CPE: variants seen among roughly 807,000 people sequenced by gnomAD.
The protein encoded by CPE is carbocypeptidase E.
In CPE, 17 loss-of-function variants were observed where a neutral mutation model predicts 53.5. That is an observed-to-expected ratio of 0.32 (90% CI 0.22 to 0.48). The LOEUF (loss-of-function observed/expected upper bound fraction) is 0.48. CPE is among the 20% of genes least tolerant of loss of function. The pLI, the probability that CPE is intolerant of heterozygous loss-of-function variation, is 0.99. For missense variants in CPE, 524 were observed against 614.7 expected (o/e 0.85, Z 1.56); for synonymous variants, 226 against 228.8 (o/e 0.99, Z 0.11).
At chr4:165,417,909 G>C (rs1731151907) in intron 1 of CPE, among the ~76,000 whole-genome samples, 1 of 152,084 alleles carries the variant, frequency 6.6e-6, no homozygotes, top group Non-Finnish European at 1.5e-5. Context: ...TATTAACAAA[G>C]TCTGACTTAC....
intron 3 of CPE, 150 bp downstream of exon 3, chr4:165,468,005 T>G (rs1379321892): frequency 2.2e-6 from 2 of 899,626 alleles, no homozygotes; most frequent in Non-Finnish European, 3.3e-6. Context: ...GAAGGGCTGG[T>G]GCCATGAAAT....
chr4:165,439,137 A>G (rs1345228455), intron 1 of CPE, among the ~76,000 whole-genome samples: 3 of 152,222 alleles, frequency 2.0e-5, no homozygotes, highest in Non-Finnish European at 4.4e-5. Flanking sequence ...TTCATTGAAG[A>G]TGCTTTTGGA....
At chr4:165,423,538 A>G (rs1319269350) in intron 1 of CPE, among the ~76,000 whole-genome samples, 2 of 152,016 alleles carry the variant, frequency 1.3e-5, no homozygotes, top group African/African-American at 4.8e-5. Context: ...CCCTATGACA[A>G]ATTATGTAAT....
intron 1 of CPE, chr4:165,418,351 A>G (rs746693832): frequency 2.9e-5 from 4 of 137,990 alleles, no homozygotes; most frequent in African/African-American, 8.0e-5. Context: ...GAAAAGTCCT[A>G]TTTGGCCTTA....
chr4:165,480,701 A>G (rs1442452336), intron 3 of CPE, among the ~76,000 whole-genome samples: 3 of 152,196 alleles, frequency 2.0e-5, no homozygotes, highest in Admixed American at 1.3e-4. Flanking sequence ...CTATCATTTT[A>G]TTAGTATTTA....
intron 6 of CPE, among the ~76,000 whole-genome samples, chr4:165,488,035 C>G (rs572532062): frequency 6.6e-6 from 1 of 152,200 alleles, no homozygotes; most frequent in African/African-American, 2.4e-5. Flanking sequence ...CCTCATCTTT[C>G]TCACCCTAGA....
intron 1 of CPE, among the ~76,000 whole-genome samples, chr4:165,462,483 C>A (rs1312999432): frequency 2.6e-5 from 4 of 151,810 alleles, no homozygotes; most frequent in Non-Finnish European, 5.9e-5. Context: ...GCAACTTTTT[C>A]AAAAAAACTT....
At position 165,414,696 on chromosome 4, in the gene CPE, T is replaced by C. The variant is rs918693015; in HGVS notation, c.307+35168T>C. ...ATAGAGATAAAGTAATATATATATATACACACACACACACATACACACACA... is the reference window on the plus strand; with the variant it reads ...ATAGAGATAAAGTAATATATATATACACACACACACACACATACACACACA... On this transcript the variant is annotated intron_variant, in intron 1 of 8. Transcript: ENST00000402744. Among the ~76,000 whole-genome samples the C allele has an allele frequency of 3.3e-5, 5 of 150,402 alleles. No homozygotes were observed. The East Asian group carries it at 7.8e-4, about 23-fold the overall frequency.
chr4:165,405,799 T>C (rs557692276), intron 1 of CPE: 128 of 813,582 alleles, frequency 1.6e-4, no homozygotes, highest in Admixed American at 1.1e-3. Context: ...ACCCACCATT[T>C]TGGGCAGCCT....
At chr4:165,415,873 A>AGAAT (rs141101755) in intron 1 of CPE, among the ~76,000 whole-genome samples, 44,866 of 151,598 alleles carry the variant, frequency 0.3, 6,750 homozygotes, top group Middle Eastern at 0.4. Context: ...GTAACATGGG[A>AGAAT]GAATGTAAGT....
intron 1 of CPE, 75 bp from the exon 2 acceptor site, chr4:165,464,315 A>G: frequency 8.5e-7 from 1 of 1,180,276 alleles, no homozygotes; most frequent in Non-Finnish European, 1.2e-6. Flanking sequence ...TATTCATAAT[A>G]CATTTGTAGG....
intron 1 of CPE, among the ~76,000 whole-genome samples, chr4:165,424,832 C>G (rs1731289852): frequency 6.6e-6 from 1 of 151,450 alleles, no homozygotes; most frequent in African/African-American, 2.4e-5. Context: ...CCGCGCCCGG[C>G]CCATGTTTTT....
intron 1 of CPE, among the ~76,000 whole-genome samples, chr4:165,451,110 A>C (rs1429548739): frequency 6.6e-6 from 1 of 152,168 alleles, no homozygotes; most frequent in Admixed American, 6.5e-5. Flanking sequence ...GCCGAATTGG[A>C]ATCTGCATTT....
chr4:165,427,371 T>C (rs1234468772), intron 1 of CPE, among the ~76,000 whole-genome samples: 1 of 141,274 alleles, frequency 7.1e-6, no homozygotes, highest in African/African-American at 2.6e-5. Context: ...GTATAAATTA[T>C]AATTTTGTCC....
intron 1 of CPE, among the ~76,000 whole-genome samples, chr4:165,458,642 AC>A (rs1446565327): frequency 6.6e-6 from 1 of 152,230 alleles, no homozygotes; most frequent in East Asian, 1.9e-4. Flanking sequence ...TTCACAATTT[AC>A]AACCCACATT....
In CPE at chr4:165,379,075, A is replaced by G. The variant is rs1209848959; in HGVS notation, c.-147A>G. On this transcript the variant is annotated 5_prime_UTR_variant, in exon 1 of 9. Transcript: ENST00000402744. The surrounding 1 kb of genome is among the most constrained non-coding windows in gnomAD (Gnocchi z 6.0). Reference sequence around the variant, plus strand: ...GGGTGGCCCCAGTGCGCGGGCTGACACTCATTCAGCCGGGGAAGGTGAGGC... The same window carrying G: ...GGGTGGCCCCAGTGCGCGGGCTGACGCTCATTCAGCCGGGGAAGGTGAGGC... The G allele has an allele frequency of 1.4e-6, 1 of 702,924 alleles. No homozygotes were observed. Among genetic ancestry groups the G allele is most frequent in the Non-Finnish European group, 1.9e-6 (1 of 517,762 alleles). The allele number at this position is 702,924 out of a possible 1,614,324, so 43.5% of individuals were successfully genotyped here.
intron 1 of CPE, among the ~76,000 whole-genome samples, chr4:165,421,473 G>A (rs918784451): frequency 6.6e-6 from 1 of 152,184 alleles, no homozygotes; most frequent in African/African-American, 2.4e-5. Context: ...TGCTGACAGA[G>A]ATAGGGCTCA....
intron 1 of CPE, among the ~76,000 whole-genome samples, chr4:165,422,895 T>G: frequency 6.9e-6 from 1 of 144,240 alleles, no homozygotes. Flanking sequence ...GAGAATGGCG[T>G]GAACTCGGGA....
At chr4:165,432,643 G>T (rs1349149924) in intron 1 of CPE, among the ~76,000 whole-genome samples, 5 of 152,156 alleles carry the variant, frequency 3.3e-5, no homozygotes, top group Non-Finnish European at 7.3e-5. Flanking sequence ...AACAATTTCA[G>T]AGAGTAGCGT....
Sources: gnomAD v4.1 joint callset for allele counts (sites outside exome capture counted in the v4.1 genomes callset) on GRCh38, gnomAD v4.1.1 for gene constraint, Gnocchi (gnomAD v3.1) non-coding constraint, MANE v1.5 for transcripts, NCBI Gene and HGNC (gene_info 2026-07-23, HGNC 2026-07-21) for gene names.